ZEB1: variants seen among roughly 807,000 people sequenced by gnomAD.
ZEB1 encodes zinc finger E-box binding homeobox 1, also known as zinc finger E-box-binding homeobox 1.
ZEB1 carries 21 observed loss-of-function variants against 84.9 expected under a neutral mutation model. The observed-to-expected ratio is 0.25, with a 90% confidence interval of 0.18 to 0.36. The LOEUF (loss-of-function observed/expected upper bound fraction) is 0.36. Among genes scored for constraint, ZEB1 ranks in the 10% least tolerant of loss-of-function variants. The pLI is 1.00. For missense variants in ZEB1, 1,104 were observed against 1,330.2 expected (o/e 0.83, Z 2.65); for synonymous variants, 420 against 471.1 (o/e 0.89, Z 1.41).
At chr10:31,507,776 A>C (rs2069237171) in intron 4 of ZEB1, among the ~76,000 whole-genome samples, 1 of 151,094 alleles carries the variant, frequency 6.6e-6, no homozygotes, top group Non-Finnish European at 1.5e-5. Context: ...CTTCTATCTC[A>C]CTTAGCTTTT....
In ZEB1 at chr10:31,452,742, T is replaced by TGTGTGAGAGAGAGAGA. The variant is rs1387786622; in HGVS notation, c.59-8294_59-8293insTGTGAGAGAGAGAGAG. Among the ~76,000 whole-genome samples the TGTGTGAGAGAGAGAGA allele has an allele frequency of 2.8e-3, 256 of 90,758 alleles. 1 individual carries two copies. Among genetic ancestry groups the TGTGTGAGAGAGAGAGA allele is most frequent in the African/African-American group, 0.012 (236 of 19,536 alleles). The allele number at this position is 90,758 out of a possible 152,430, so 59.5% of individuals were successfully genotyped here. ...GTGTGTGTGTGTGTGTGTGTGTGTG[T>TGTGTGAGAGAGAGAGA]GAGAGAGAGAGAGAGAGAGAGAGAG... On this transcript the variant is annotated intron_variant, in intron 1 of 8. Transcript: ENST00000424869.
chr10:31,386,588 C>T (rs1277677213), intron 1 of ZEB1, among the ~76,000 whole-genome samples: 1 of 152,028 alleles, frequency 6.6e-6, no homozygotes, highest in Non-Finnish European at 1.5e-5. Flanking sequence ...AATTCCTTTC[C>T]TCATGGAGTT....
intron 1 of ZEB1, among the ~76,000 whole-genome samples, chr10:31,390,972 C>T (rs985430825): frequency 1.3e-5 from 2 of 152,092 alleles, no homozygotes; most frequent in Non-Finnish European, 2.9e-5. Flanking sequence ...CTGTTTGTCT[C>T]GAAAGACAGT....
intron 1 of ZEB1, chr10:31,319,970 C>A (rs1417008627): frequency 1.3e-5 from 2 of 149,670 alleles, no homozygotes; most frequent in Non-Finnish European, 3.0e-5. Context: ...GCCGGCTGTG[C>A]GCGCCGCGGG....
intron 1 of ZEB1, among the ~76,000 whole-genome samples, chr10:31,435,665 C>T (rs1210662154): frequency 6.6e-6 from 1 of 151,990 alleles, no homozygotes; most frequent in Non-Finnish European, 1.5e-5. Context: ...GAAGGCTTGC[C>T]ATTTACAAAG....
intron 2 of ZEB1, among the ~76,000 whole-genome samples, chr10:31,476,224 G>A (rs1340646138): frequency 6.6e-6 from 1 of 151,830 alleles, no homozygotes; most frequent in Middle Eastern, 3.2e-3. Flanking sequence ...CTAGTTTAAT[G>A]AAGAAAAAAG....
At chr10:31,504,982 G>A (rs2068732825) in intron 4 of ZEB1, among the ~76,000 whole-genome samples, 1 of 152,040 alleles carries the variant, frequency 6.6e-6, no homozygotes, top group Non-Finnish European at 1.5e-5. Flanking sequence ...CCAATACTGT[G>A]TTGAATAGGA....
Position 31,360,904 on chromosome 10 carries a change from G to A in ZEB1, c.58+41612G>A, listed in dbSNP as rs2042924123. 2.1e-6 allele frequency: 3 copies of A among 1,416,728 alleles called. No homozygotes were observed. The Admixed American group carries it at 5.1e-5, about 24-fold the overall frequency. The allele number at this position is 1,416,728 out of a possible 1,614,324, so 87.8% of individuals were successfully genotyped here. The stretch of plus-strand genomic sequence containing the variant: ...CAGTGAGCTGCAGTAACCTGAAACA[G>A]TACTGCATGGATGCTCTAATAAATT... On this transcript the variant is annotated intron_variant, in intron 1 of 8. Transcript: ENST00000424869.
intron 2 of ZEB1, among the ~76,000 whole-genome samples, chr10:31,474,366 A>G (rs1173818068): frequency 6.6e-6 from 1 of 151,952 alleles, no homozygotes; most frequent in African/African-American, 2.4e-5. Context: ...ATTTACAAGA[A>G]AAAAACAAAC....
At chr10:31,435,947 T>C (rs2058247716) in intron 1 of ZEB1, among the ~76,000 whole-genome samples, 1 of 152,144 alleles carries the variant, frequency 6.6e-6, no homozygotes, top group Non-Finnish European at 1.5e-5. Flanking sequence ...GAGAGGATTG[T>C]TGATGATAGA....
intron 1 of ZEB1, among the ~76,000 whole-genome samples, chr10:31,368,122 A>G (rs1400217647): frequency 2.0e-5 from 3 of 152,032 alleles, no homozygotes; most frequent in African/African-American, 4.8e-5. Context: ...CAGTATTTGC[A>G]TGTAAGCTAT....
intron 1 of ZEB1, among the ~76,000 whole-genome samples, chr10:31,381,989 C>G (rs161230): frequency 8.2e-6 from 1 of 121,684 alleles, no homozygotes; most frequent in African/African-American, 3.1e-5. Flanking sequence ...CCAGACTGGG[C>G]GACAGTGAGA....
At chr10:31,321,722 T>A in intron 1 of ZEB1, 1 of 770,854 alleles carries the variant, frequency 1.3e-6, no homozygotes, top group South Asian at 1.6e-5. Context: ...TGAGATCCTG[T>A]GATATGAATA....
intron 1 of ZEB1, among the ~76,000 whole-genome samples, chr10:31,455,179 A>G (rs1316858889): frequency 6.6e-6 from 1 of 152,236 alleles, no homozygotes; most frequent in Non-Finnish European, 1.5e-5. Flanking sequence ...TCCCTGTTTA[A>G]TAAATGGTGT....
intron 1 of ZEB1, among the ~76,000 whole-genome samples, chr10:31,350,809 AAAATACAATTT>A (rs1472579832): frequency 2.6e-5 from 4 of 152,202 alleles, no homozygotes; most frequent in African/African-American, 9.6e-5. Flanking sequence ...ATTACTGGAT[AAAATACAATTT>A]ATGTTTTAAA....
chr10:31,473,178 T>C (rs1226192809), intron 2 of ZEB1, among the ~76,000 whole-genome samples: 3 of 151,362 alleles, frequency 2.0e-5, no homozygotes, highest in Non-Finnish European at 4.4e-5. Flanking sequence ...TCACCACTCC[T>C]ATTCAACATA....
intron 4 of ZEB1, among the ~76,000 whole-genome samples, chr10:31,510,274 C>G (rs1443982746): frequency 6.6e-6 from 1 of 152,312 alleles, no homozygotes; most frequent in South Asian, 2.1e-4. Context: ...CCAATAGACT[C>G]TGTTGTAGAG....
chr10:31,351,060 C>CA (rs2041240796), intron 1 of ZEB1, among the ~76,000 whole-genome samples: 1 of 152,156 alleles, frequency 6.6e-6, no homozygotes, highest in African/African-American at 2.4e-5. Context: ...GGCTCCTTTG[C>CA]AGCCAAATAG....
chr10:31,347,404 T>A (rs896471197), intron 1 of ZEB1, among the ~76,000 whole-genome samples: 5 of 152,164 alleles, frequency 3.3e-5, no homozygotes, highest in Non-Finnish European at 5.9e-5. Flanking sequence ...AGAGATGAGG[T>A]CTAGCTATTT....
Sources: allele counts gnomAD v4.1 joint callset (sites outside exome capture counted in the v4.1 genomes callset), GRCh38; gene constraint gnomAD v4.1.1; transcripts MANE v1.5; gene names NCBI Gene and HGNC (gene_info 2026-07-23, HGNC 2026-07-21).